The following ACE variants were observed in gnomAD, a reference collection of about 807,000 sequenced individuals.
ACE encodes the protein angiotensin-converting enzyme.
In ACE, 122 loss-of-function variants were observed where a neutral mutation model predicts 162.3. That is an observed-to-expected ratio of 0.75 (90% CI 0.65 to 0.87). The LOEUF (loss-of-function observed/expected upper bound fraction) is 0.87. Ranked by LOEUF, ACE falls within the 40% of genes least tolerant of loss-of-function variation. The pLI is 0.00. For missense variants in ACE, 1,799 were observed against 1,735.1 expected (o/e 1.04, Z -0.65); for synonymous variants, 796 against 720.6 (o/e 1.10, Z -1.68).
chr17:63,489,084 G>C lies in ACE; in HGVS notation c.2593G>C (p.Gly865Arg). ...GCGCCGGGCCCTGCACCGTCACTACGGGGCCCAGCACATCAACCTGGAGGG... is the reference window on the plus strand; with the variant it reads ...GCGCCGGGCCCTGCACCGTCACTACCGGGCCCAGCACATCAACCTGGAGGG... The part of the protein sequence containing the change: ...YVRRALHRHY[G>R]AQHINLEGPI... Residue 865 changes from glycine (G) to arginine (R), a missense_variant, in exon 17 of 25, where the codon GGG becomes CGG. Coordinates refer to ENST00000290866, the MANE Select transcript of ACE (RefSeq NM_000789.4). The C allele has an allele frequency of 6.2e-7, 1 of 1,613,350 alleles. No homozygotes were observed. Among genetic ancestry groups the C allele is most frequent in the Non-Finnish European group, 8.5e-7 (1 of 1,180,032 alleles).
In ACE at chr17:63,483,157, G is replaced by A. The variant is rs371335496; in HGVS notation, c.1471G>A (p.Asp491Asn). The change falls in exon 9 of 25, where the codon GAC becomes AAC. Residue 491 changes from aspartate to asparagine, a missense_variant. Asp to Asn is a conservative substitution (Grantham distance 23). Transcript: ENST00000290866. ...TACCCCCCCTTCCCGCTACAACTTC[G>A]ACTGGTGGTATCTTCGGTGAGAGGA... ...GRTPPSRYNFDWWYLRTKYQG... is the reference protein window; with the variant it reads ...GRTPPSRYNFNWWYLRTKYQG... The A allele has an allele frequency of 2.5e-6, 4 of 1,613,942 alleles. No individual in the cohort carries two copies. The highest frequency in any genetic ancestry group is 3.4e-6 in the Non-Finnish European group (4 of 1,180,006).
intron 19 of ACE, among the ~76,000 whole-genome samples, chr17:63,492,337 A>G (rs561418685): frequency 6.6e-6 from 1 of 152,326 alleles, no homozygotes; most frequent in Non-Finnish European, 1.5e-5. Context: ...GATTCAAGAG[A>G]AGAGAAAAAA....
chr17:63,487,084 A>G lies in ACE; in HGVS notation c.2305+11A>G, dbSNP rs2030003674. ...TGCAGCTCGAGCCAGGTGAGAGCTC[A>G]TGTGCAGGCTGAGTGAGAGGCGAGG... is the stretch of plus-strand genomic sequence containing the variant. On this transcript the variant is annotated intron_variant, in intron 15 of 24. Transcript: ENST00000290866. 6.2e-7 allele frequency: 1 copy of G among 1,612,268 alleles called. No homozygotes were observed. The highest frequency in any genetic ancestry group is 8.5e-7 in the Non-Finnish European group (1 of 1,178,954).
At chr17:63,494,786 CTGTTT>C (rs1369914461) in intron 22 of ACE, among the ~76,000 whole-genome samples, 2 of 152,216 alleles carry the variant, frequency 1.3e-5, no homozygotes, top group Admixed American at 6.5e-5. Flanking sequence ...GAGCTCTGCA[CTGTTT>C]TGTTTTGCTT....
intron 23 of ACE, 115 bp from the exon 24 acceptor site, chr17:63,496,683 C>T: frequency 6.4e-7 from 1 of 1,570,042 alleles, no homozygotes; most frequent in Admixed American, 1.7e-5. Flanking sequence ...GCACCTGGAG[C>T]CCTGGGGCCC....
chr17:63,477,193 G>A lies in ACE; in HGVS notation c.99G>A (p.Gly33=). 6.7e-7 allele frequency: 1 copy of A among 1,481,658 alleles called. No homozygotes were observed. The allele number at this position is 1,481,658 out of a possible 1,614,324, so 91.8% of individuals were successfully genotyped here. A position where few individuals can be genotyped will look rare whatever the true frequency, so the allele number is the denominator to read the frequency against. The change falls in exon 1 of 25, where the codon GGG becomes GGA. Residue 33 remains glycine (G), a synonymous_variant. Transcript: ENST00000290866. ...AGCCCGCCCTGGCGTTGGACCCCGG[G>A]CTGCAGCCCGGCAACTTTTCTGCTG... ...PPQPALALDP[G]LQPGNFSADE... is the part of the protein sequence containing the mutation.
chr17:63,497,224 G>T lies in ACE; in HGVS notation c.3779G>T (p.Trp1260Leu). 2 of 1,594,494 alleles carry T rather than the reference G, an allele frequency of 1.3e-6. No homozygotes were observed. Among genetic ancestry groups the T allele is most frequent in the Non-Finnish European group, 1.7e-6 (2 of 1,174,920 alleles). ...LDAQQARVGQ[W>L]LLLFLGIALL... ...GCGCAGCAGGCCCGCGTGGGCCAGT[G>T]GCTGCTGCTCTTCCTGGGCATCGCC... Residue 1260 changes from tryptophan (W) to leucine (L), a missense_variant, in exon 25 of 25, where the codon TGG becomes TTG. By Grantham distance (61) the Trp-to-Leu change is moderately conservative. Transcript: ENST00000290866.
Position 63,491,326 on chromosome 17 carries a change from C to CG in ACE, c.2860dup (p.Glu954GlyfsTer63), listed in dbSNP as rs780072379. 1 of 1,614,118 alleles carries CG rather than the reference C, an allele frequency of 6.2e-7. No individual in the cohort carries two copies. Among genetic ancestry groups the CG allele is most frequent in the South Asian group, 1.1e-5 (1 of 91,084 alleles). On this transcript the variant is annotated frameshift_variant, in exon 19 of 25. Transcript: ENST00000290866. LOFTEE classifies it high-confidence loss of function. This position sits in a 1 kb window ranked among gnomAD's most constrained non-coding sequence, Gnocchi z 4.4. ...GATGCTGGAGAAGCCAACCGACGGGCGGGAGGTGGTCTGCCACGCCTCGGC... is the reference window on the plus strand; with the variant it reads ...GATGCTGGAGAAGCCAACCGACGGGCGGGGAGGTGGTCTGCCACGCCTCGGC...
At position 63,481,579 on chromosome 17, in the gene ACE, C is replaced by G. The variant is rs139137100; in HGVS notation, c.959C>G (p.Thr320Arg). ...CCCCTCCTCCAGGGCTGGAACGCCA[C>G]GCACATGTTCCGGGTGGCAGAGGAG... Reference protein sequence around the residue: ...STMLQQGWNATHMFRVAEEFF... With the variant: ...STMLQQGWNARHMFRVAEEFF... Residue 320 changes from threonine to arginine, a missense_variant, in exon 7 of 25, where the codon ACG becomes AGG. Coordinates refer to ENST00000290866, the MANE Select transcript of ACE (RefSeq NM_000789.4). The G allele has an allele frequency of 6.2e-6, 10 of 1,613,914 alleles. No individual in the cohort carries two copies. Among genetic ancestry groups the G allele is most frequent in the Non-Finnish European group, 8.5e-6 (10 of 1,180,018 alleles).
intron 19 of ACE, among the ~76,000 whole-genome samples, chr17:63,493,022 A>G (rs1251924633): frequency 6.6e-6 from 1 of 152,106 alleles, no homozygotes; most frequent in Non-Finnish European, 1.5e-5. Context: ...GCCCACTCTC[A>G]CCCCTGACAG....
chr17:63,483,567 G>GCGGGGGCCGCC lies in ACE; in HGVS notation c.1586+10_1586+11insGGGGGCCGCCC. On this transcript the variant is annotated intron_variant, in intron 10 of 24. Coordinates refer to ENST00000290866, the MANE Select transcript of ACE (RefSeq NM_000789.4). ...GTGACACCATACATCAGGTATTAGC[G>GCGGGGGCCGCC]CCCCCACCCCACCCACCCCCAGTAC... 1 of 1,589,580 alleles carries GCGGGGGCCGCC rather than the reference G, an allele frequency of 6.3e-7. No individual in the cohort carries two copies. Among genetic ancestry groups the GCGGGGGCCGCC allele is most frequent in the Non-Finnish European group, 8.6e-7 (1 of 1,165,686 alleles).
chr17:63,488,779 G>T lies in ACE; in HGVS notation c.2437G>T (p.Ala813Ser). ...ATACGTGGAACTCATCAACCAGGCT[G>T]CCCGGCTCAATGGTGAGTCCCTGCT... ...PKYVELINQAARLNGYVDAGD... is the reference protein window; with the variant it reads ...PKYVELINQASRLNGYVDAGD... Residue 813 changes from alanine to serine, a missense_variant, in exon 16 of 25, where the codon GCC becomes TCC. Coordinates refer to ENST00000290866, the MANE Select transcript of ACE (RefSeq NM_000789.4). 1 of 1,614,014 alleles carries T rather than the reference G, an allele frequency of 6.2e-7. No individual in the cohort carries two copies.
chr17:63,483,567 G>GCCT lies in ACE; in HGVS notation c.1586+11_1586+12insTCC. The GCCT allele has an allele frequency of 1.3e-6, 2 of 1,589,562 alleles. No individual in the cohort carries two copies. Among genetic ancestry groups the GCCT allele is most frequent in the Non-Finnish European group, 8.6e-7 (1 of 1,165,676 alleles). On this transcript the variant is annotated intron_variant, in intron 10 of 24. Transcript: ENST00000290866. ...GTGACACCATACATCAGGTATTAGC[G>GCCT]CCCCCACCCCACCCACCCCCAGTAC...
At chr17:63,481,887 G>A in intron 7 of ACE, 149 bp downstream of exon 7, 1 of 986,514 alleles carries the variant, frequency 1.0e-6, no homozygotes, top group Non-Finnish European at 1.5e-6. Flanking sequence ...CCAGGGCTAG[G>A]GGGTATAGGA....
intron 23 of ACE, 100 bp from the exon 24 acceptor site, chr17:63,496,698 A>G: frequency 6.3e-7 from 1 of 1,588,258 alleles, no homozygotes; most frequent in Non-Finnish European, 8.6e-7. Flanking sequence ...GGGCCCTGGG[A>G]CAAGTTTCAG....
chr17:63,494,162 G>T (rs2030578688), intron 21 of ACE, 96 bp downstream of exon 21: 2 of 1,493,968 alleles, frequency 1.3e-6, no homozygotes, highest in Admixed American at 1.8e-5. Flanking sequence ...GGGAGTGTGT[G>T]TGTGTGTGTA....
At chr17:63,489,213 G>A in intron 17 of ACE, 81 bp downstream of exon 17, 3 of 1,519,970 alleles carry the variant, frequency 2.0e-6, no homozygotes, top group Non-Finnish European at 2.7e-6. Context: ...TGACTAGAGG[G>A]TAGGGAGCAG....
Position 63,489,128 on chromosome 17 carries a change from GC to G in ACE, c.2638del (p.Leu880TrpfsTer32). ...NLEGPIPAHLLGNMWAQTWSN... is the reference protein window; with the variant it reads ...NLEGPIPAHLXGNMWAQTWSN... ...TGGAGGGGCCCATTCCTGCTCACCT[GC>G]TGGGTAAGGGCACATGTCGGGCCTT... On this transcript the variant is annotated frameshift_variant, in exon 17 of 25. Coordinates refer to ENST00000290866, the MANE Select transcript of ACE (RefSeq NM_000789.4). LOFTEE classifies it high-confidence loss of function. The G allele has an allele frequency of 6.2e-7, 1 of 1,608,606 alleles. No homozygotes were observed. Among genetic ancestry groups the G allele is most frequent in the Non-Finnish European group, 8.5e-7 (1 of 1,179,994 alleles).
chr17:63,477,499 C>T, intron 1 of ACE, 156 bp downstream of exon 1: 3 of 461,596 alleles, frequency 6.5e-6, no homozygotes, highest in South Asian at 9.4e-5. Flanking sequence ...GCCCGAGCGC[C>T]GGGCTGCGCG....
Sources: gnomAD v4.1 joint callset for allele counts (sites outside exome capture counted in the v4.1 genomes callset) on GRCh38, gnomAD v4.1.1 for gene constraint, Gnocchi (gnomAD v3.1) non-coding constraint, MANE v1.5 for transcripts, NCBI Gene and HGNC (gene_info 2026-07-23, HGNC 2026-07-21) for gene names.